IQCE: variants seen among roughly 807,000 people sequenced by gnomAD.
The protein encoded by IQCE is IQ domain-containing protein E.
In IQCE, 115 loss-of-function variants were observed where a neutral mutation model predicts 96.0. That is an observed-to-expected ratio of 1.20 (90% CI 1.03 to 1.40). The LOEUF (loss-of-function observed/expected upper bound fraction) is 1.40. IQCE is among the 40% of genes most tolerant of loss of function. The pLI is 0.00. For missense variants in IQCE, 1,041 were observed against 909.1 expected, an observed-to-expected ratio of 1.15 and a Z score of -1.87; for synonymous variants, 412 against 371.2, an observed-to-expected ratio of 1.11 and a Z score of -1.26.
At chr7:2,561,286 A>G (rs1000939760) in intron 1 of IQCE, among the ~76,000 whole-genome samples, 6 of 151,880 alleles carry the variant, frequency 4.0e-5, no homozygotes, top group African/African-American at 1.5e-4. Flanking sequence ...TCTTTCAGCA[A>G]TGGTTTATAT....
Position 2,578,541 on chromosome 7 carries a change from T to C in IQCE, c.630+15T>C, listed in dbSNP as rs1782393938. ...ATGCCAGTTGGGTGAGTATGGTGTGTGCAGGACAGAGCCTTTCCCCAGACG... is the reference window on the plus strand; with the variant it reads ...ATGCCAGTTGGGTGAGTATGGTGTGCGCAGGACAGAGCCTTTCCCCAGACG... On this transcript the variant is annotated intron_variant, in intron 8 of 21. Coordinates refer to ENST00000402050, the MANE Select transcript of IQCE (RefSeq NM_152558.5). 1 of 1,613,996 alleles carries C rather than the reference T, an allele frequency of 6.2e-7. No individual in the cohort carries two copies. The highest frequency in any genetic ancestry group is 1.1e-5 in the South Asian group (1 of 91,080).
At chr7:2,564,205 C>G (rs984622622) in intron 1 of IQCE, among the ~76,000 whole-genome samples, 2 of 151,940 alleles carry the variant, frequency 1.3e-5, no homozygotes, top group Non-Finnish European at 1.5e-5. Flanking sequence ...GAGCAAGACT[C>G]CACCTCAAAA....
chr7:2,600,692 C>T (rs1408904746), intron 17 of IQCE, among the ~76,000 whole-genome samples: 4 of 152,210 alleles, frequency 2.6e-5, no homozygotes, highest in Admixed American at 2.0e-4. Flanking sequence ...GTACTCAGTT[C>T]CTCCTTAATC....
At chr7:2,595,196 G>C (rs1562666407) in intron 16 of IQCE, among the ~76,000 whole-genome samples, 1 of 152,214 alleles carries the variant, frequency 6.6e-6, no homozygotes, top group Non-Finnish European at 1.5e-5. Flanking sequence ...ACTGATATTT[G>C]AGTCTCAAGG....
intron 1 of IQCE, among the ~76,000 whole-genome samples, chr7:2,565,127 TGTGTGA>T (rs1423610364): frequency 8.8e-6 from 1 of 113,728 alleles, no homozygotes; most frequent in Admixed American, 8.3e-5. Context: ...TGTGTGCATG[TGTGTGA>T]GTGTGTGTGT....
intron 20 of IQCE, among the ~76,000 whole-genome samples, chr7:2,606,317 C>T (rs1049091122): frequency 4.6e-5 from 7 of 152,138 alleles, no homozygotes; most frequent in African/African-American, 1.4e-4. Context: ...TGTGGCCTGG[C>T]TTTTGGCTGT....
intron 9 of IQCE, among the ~76,000 whole-genome samples, chr7:2,583,366 A>C (rs1010905437): frequency 2.9e-4 from 44 of 152,310 alleles, no homozygotes; most frequent in Middle Eastern, 6.8e-3. Context: ...TACTTGGAGA[A>C]GAATATCTCT....
Position 2,586,213 on chromosome 7 carries a change from T to TG in IQCE, c.835dup (p.Glu279GlyfsTer202). The stretch of plus-strand genomic sequence containing the variant: ...CCACGATTTGGTTGTTCCAGGCCCC[T>TG]GGGGGAGAAGAAGACGGGCGCCAAA... On this transcript the variant is annotated frameshift_variant, in exon 12 of 22. Transcript: ENST00000402050. LOFTEE classifies it high-confidence loss of function. 4 of 1,613,218 alleles carry TG rather than the reference T, an allele frequency of 2.5e-6. No individual in the cohort carries two copies. The highest frequency in any genetic ancestry group is 3.4e-6 in the Non-Finnish European group (4 of 1,179,692).
Position 2,583,713 on chromosome 7 carries a change from C to T in IQCE, c.774+4C>T, listed in dbSNP as rs559256565. On this transcript the variant is annotated splice_donor_region_variant and intron_variant, in intron 10 of 21. Coordinates refer to ENST00000402050, the MANE Select transcript of IQCE (RefSeq NM_152558.5). ...CATGGAGACATACTACGAGGAGGTG[C>T]GCCGTGCTGGGCGGCGGAGCGGAGG... 9.1e-5 allele frequency: 136 copies of T among 1,492,516 alleles called. 2 individuals carry two copies. The South Asian group carries it at 1.4e-3, about 15-fold the overall frequency. The allele number at this position is 1,492,516 out of a possible 1,614,324, so 92.5% of individuals were successfully genotyped here.
intron 17 of IQCE, among the ~76,000 whole-genome samples, chr7:2,600,786 T>C (rs1317875423): frequency 6.6e-6 from 1 of 152,216 alleles, no homozygotes; most frequent in Non-Finnish European, 1.5e-5. Flanking sequence ...TGGTGGTCAT[T>C]CCGTGCCATT....
At chr7:2,599,371 T>C (rs890853825) in intron 17 of IQCE, among the ~76,000 whole-genome samples, 2 of 152,000 alleles carry the variant, frequency 1.3e-5, no homozygotes, top group African/African-American at 4.8e-5. Context: ...AATTTTTGTA[T>C]TTTTGGTAGA....
intron 2 of IQCE, 89 bp downstream of exon 2, chr7:2,567,252 T>C: frequency 1.0e-6 from 1 of 986,578 alleles, no homozygotes; most frequent in African/African-American, 1.6e-5. Flanking sequence ...TAGGCCGTTC[T>C]CCACAATACT....
rs972311970 is a variant in IQCE at position 2,578,461 on chromosome 7, A to G, written c.580-15A>G. On this transcript the variant is annotated splice_polypyrimidine_tract_variant and intron_variant, in intron 7 of 21. Coordinates refer to ENST00000402050, the MANE Select transcript of IQCE (RefSeq NM_152558.5). ...CACCGAAGGCCGTCTTCATGTCTCA[A>G]TCTGCTTACCACAGGGCACGGATTT... 9 of 1,614,030 alleles carry G rather than the reference A, an allele frequency of 5.6e-6. No individual in the cohort carries two copies. The highest frequency in any genetic ancestry group is 2.2e-5 in the East Asian group (1 of 44,892).
chr7:2,586,223 G>A lies in IQCE; in HGVS notation c.840G>A (p.Lys280=). 1 of 1,613,826 alleles carries A rather than the reference G, an allele frequency of 6.2e-7. No homozygotes were observed. Among genetic ancestry groups the A allele is most frequent in the Non-Finnish European group, 8.5e-7 (1 of 1,179,920 alleles). The change falls in exon 12 of 22, where the codon AAG becomes AAA. Residue 280 remains lysine (K), a synonymous_variant. Transcript: ENST00000402050. ...ETTGKKPLGE[K]KTGAKRQKKM... The stretch of plus-strand genomic sequence containing the variant: ...GTTGTTCCAGGCCCCTGGGGGAGAA[G>A]AAGACGGGCGCCAAAAGGCAGAAGA...
Position 2,585,445 on chromosome 7 carries a change from C to G in IQCE, c.825-763C>G, listed in dbSNP as rs77345311. 1.9e-3 allele frequency among the ~76,000 whole-genome samples: 284 copies of G among 152,368 alleles called. 3 individuals are homozygous for G. Among genetic ancestry groups the G allele is most frequent in the African/African-American group, 6.4e-3 (265 of 41,588 alleles). On this transcript the variant is annotated intron_variant, in intron 11 of 21. Coordinates refer to ENST00000402050, the MANE Select transcript of IQCE (RefSeq NM_152558.5). Reference sequence around the variant, plus strand: ...ATTGTGGATTAATTTTCATCAAACTCATGGCTGGCCTGAACGAGGCTTCTT... The same window carrying G: ...ATTGTGGATTAATTTTCATCAAACTGATGGCTGGCCTGAACGAGGCTTCTT...
At chr7:2,593,724 G>A (rs1256888535) in intron 15 of IQCE, among the ~76,000 whole-genome samples, 1 of 152,268 alleles carries the variant, frequency 6.6e-6, no homozygotes, top group Non-Finnish European at 1.5e-5. Flanking sequence ...GGGCTGGGAG[G>A]GGAGCGAGGA....
At chr7:2,583,984 G>A (rs554768387) in intron 10 of IQCE, among the ~76,000 whole-genome samples, 1 of 146,388 alleles carries the variant, frequency 6.8e-6, no homozygotes, top group African/African-American at 2.5e-5. Flanking sequence ...CGTGCTGGGT[G>A]GCGGGGCGGA....
chr7:2,578,111 T>G, intron 6 of IQCE, 131 bp from the exon 7 acceptor site: 1 of 673,106 alleles, frequency 1.5e-6, no homozygotes, highest in Non-Finnish European at 2.6e-6. Context: ...GGCGTGTGCG[T>G]GGCTGTGCGC....
intron 20 of IQCE, among the ~76,000 whole-genome samples, chr7:2,606,872 C>T (rs2128473965): frequency 6.6e-6 from 1 of 152,286 alleles, no homozygotes; most frequent in Non-Finnish European, 1.5e-5. Context: ...GCTTATAAAA[C>T]CATGCCGGCC....
Sources: allele counts gnomAD v4.1 joint callset (sites outside exome capture counted in the v4.1 genomes callset), GRCh38; gene constraint gnomAD v4.1.1; transcripts MANE v1.5; gene names NCBI Gene and HGNC (gene_info 2026-07-23, HGNC 2026-07-21).